Variants in ECPAS observed in about 807,000 individuals in gnomAD.
The protein encoded by ECPAS is Ecm29 proteasome adaptor and scaffold.
Under a neutral mutation model 255.1 loss-of-function variants are expected in ECPAS, and 70 were observed. The observed-to-expected ratio is 0.27, with a 90% confidence interval of 0.23 to 0.33. The LOEUF is 0.33. Ranked by LOEUF, ECPAS falls within the 10% of genes least tolerant of loss-of-function variation. The pLI is 1.00. For missense variants in ECPAS, 1,817 were observed against 2,206.4 expected (o/e 0.82, Z 3.54); for synonymous variants, 784 against 775.0 (o/e 1.01, Z -0.19).
At chr9:111,401,623 G>A (rs914035056) in intron 24 of ECPAS, among the ~76,000 whole-genome samples, 6 of 152,210 alleles carry the variant, frequency 3.9e-5, no homozygotes, top group Non-Finnish European at 8.8e-5. Flanking sequence ...GGGCACTGCA[G>A]GAGACCAGGG....
At position 111,408,632 on chromosome 9, in the gene ECPAS, A is replaced by G. The variant is rs2098188918; in HGVS notation, c.2591T>C (p.Val864Ala). The G allele has an allele frequency of 1.9e-6, 3 of 1,594,514 alleles. No individual in the cohort carries two copies. Among genetic ancestry groups the G allele is most frequent in the Non-Finnish European group, 2.6e-6 (3 of 1,170,780 alleles). ...RAIQTLGYFP[V>A]GDGDFPHQKL... ...CTGGTGAGGAAAATCTCCATCCCCA[A>G]CTGGAAAATATCCCAGTGTTTGGAT... is the stretch of plus-strand genomic sequence containing the variant. The change falls in exon 24 of 50, where the codon GTT becomes GCT. Residue 864 changes from valine (V) to alanine (A), a missense_variant. Around this residue, in one of 4 missense-constraint regions of ECPAS, gnomAD observed 960 missense variants for 1,179.0 expected, o/e 0.81. Coordinates refer to ENST00000684092, the MANE Select transcript of ECPAS (RefSeq NM_001364929.1).
chr9:111,479,168 T>A (rs2098300364), intron 1 of ECPAS, among the ~76,000 whole-genome samples: 1 of 152,228 alleles, frequency 6.6e-6, no homozygotes, highest in Admixed American at 6.5e-5. Flanking sequence ...TTCTGAGGAA[T>A]AATACATACA....
intron 7 of ECPAS, among the ~76,000 whole-genome samples, chr9:111,434,713 C>T (rs2098235191): frequency 6.6e-6 from 1 of 151,632 alleles, no homozygotes; most frequent in African/African-American, 2.4e-5. Flanking sequence ...CCTCAGCCTC[C>T]CCAGCAGCTG....
rs141752191 is a variant in ECPAS at position 111,472,530 on chromosome 9, C to T, written c.22+367G>A. ...GCATGCACCTGTAGTCCCAGCTACT[C>T]GGTGGGGCTGAGGCAGGAGGATCAC... On this transcript the variant is annotated intron_variant, in intron 2 of 49. Transcript: ENST00000684092. Among the ~76,000 whole-genome samples, 1,431 of 150,726 alleles carry T rather than the reference C, an allele frequency of 9.5e-3. 12 individuals are homozygous for T. Among genetic ancestry groups the T allele is most frequent in the Non-Finnish European group, 0.015 (1,045 of 67,788 alleles).
At chr9:111,436,340 G>A (rs1380581732) in intron 7 of ECPAS, among the ~76,000 whole-genome samples, 1 of 152,230 alleles carries the variant, frequency 6.6e-6, no homozygotes, top group Non-Finnish European at 1.5e-5. Context: ...CACAGACACA[G>A]TAAGGCACCT....
intron 2 of ECPAS, among the ~76,000 whole-genome samples, chr9:111,470,230 C>A (rs535463846): frequency 6.6e-6 from 1 of 152,274 alleles, no homozygotes; most frequent in East Asian, 1.9e-4. Context: ...AGGCAGATAC[C>A]CTAATCTGGA....
At chr9:111,389,959 T>C in intron 30 of ECPAS, 25 bp downstream of exon 30, 2 of 1,461,014 alleles carry the variant, frequency 1.4e-6, no homozygotes, top group South Asian at 2.4e-5. Flanking sequence ...AAAAAATAAA[T>C]AATTGTCCAG....
intron 8 of ECPAS, among the ~76,000 whole-genome samples, chr9:111,431,942 A>G (rs532782160): frequency 1.9e-4 from 29 of 152,302 alleles, no homozygotes. Context: ...CTTTTCTTTC[A>G]TAATACTTGT....
At position 111,472,909 on chromosome 9, in the gene ECPAS, T is replaced by C. The variant is rs993732469; in HGVS notation, c.10A>G (p.Ile4Val). 4 of 1,237,110 alleles carry C rather than the reference T, an allele frequency of 3.2e-6. No homozygotes were observed. Among genetic ancestry groups the C allele is most frequent in the Non-Finnish European group, 3.1e-6 (3 of 955,282 alleles). 76.6% of individuals were successfully genotyped at this position (1,237,110 alleles called of 1,614,324 possible). A position where few individuals can be genotyped will look rare whatever the true frequency, so the allele number is the denominator to read the frequency against. MYH[I>V]DCRDQLERVF... The stretch of plus-strand genomic sequence containing the variant: ...TAAATCTACTAACCTCTACAATCAA[T>C]GTGATACATGGTTTATCCAATCTTG... Residue 4 changes from isoleucine (I) to valine (V), a missense_variant, in exon 2 of 50, where the codon ATT becomes GTT. Transcript: ENST00000684092.
chr9:111,461,067 T>C (rs1437184020), intron 2 of ECPAS, among the ~76,000 whole-genome samples: 1 of 152,044 alleles, frequency 6.6e-6, no homozygotes, highest in African/African-American at 2.4e-5. Flanking sequence ...AAAAAAAAGT[T>C]GATTCTTTCT....
At chr9:111,384,501 A>C (rs748551993) in intron 34 of ECPAS, 21 bp downstream of exon 34, 1 of 1,609,644 alleles carries the variant, frequency 6.2e-7, no homozygotes, top group Non-Finnish European at 8.5e-7. Context: ...CTCCATTCCC[A>C]ATGTAAGACG....
chr9:111,480,234 GA>G (rs1479258281), intron 1 of ECPAS, among the ~76,000 whole-genome samples: 4 of 145,968 alleles, frequency 2.7e-5, no homozygotes, highest in African/African-American at 1.0e-4. Flanking sequence ...ATAAATGATA[GA>G]AAATATTTGG....
chr9:111,444,238 T>A (rs891757911), intron 4 of ECPAS, 140 bp downstream of exon 4: 120 of 498,504 alleles, frequency 2.4e-4, no homozygotes, highest in African/African-American at 5.7e-4. Context: ...GTGTGTCATT[T>A]AAAAAAAAAA....
chr9:111,467,885 C>G (rs1436722213), intron 2 of ECPAS, among the ~76,000 whole-genome samples: 1 of 152,152 alleles, frequency 6.6e-6, no homozygotes, highest in Non-Finnish European at 1.5e-5. Context: ...ACTGACCTGC[C>G]AGAGGTCACC....
rs756329850 is a variant in ECPAS at position 111,372,573 on chromosome 9, G to A, written c.4384C>T (p.Arg1462Ter). ...SCALTIHAIG[R>*]YSPDVLKNHA... ...TTCTTTAATACATCAGGGCTGTATC[G>A]TCCAATAGCATGAATAGTCAAAGCA... The change falls in exon 42 of 50, where the codon CGA becomes TGA. Residue 1462 changes from arginine to a stop codon, truncating the protein, a stop_gained. Transcript: ENST00000684092. LOFTEE classifies it high-confidence loss of function. 1 of 1,613,428 alleles carries A rather than the reference G, an allele frequency of 6.2e-7. No homozygotes were observed. The highest frequency in any genetic ancestry group is 8.5e-7 in the Non-Finnish European group (1 of 1,179,648).
At chr9:111,424,895 C>A (rs2098219207) in intron 12 of ECPAS, among the ~76,000 whole-genome samples, 1 of 152,160 alleles carries the variant, frequency 6.6e-6, no homozygotes, top group African/African-American at 2.4e-5. Context: ...GCAGGCTGGG[C>A]ATGGTGGCTC....
At chr9:111,464,542 A>T (rs915387681) in intron 2 of ECPAS, among the ~76,000 whole-genome samples, 1 of 152,172 alleles carries the variant, frequency 6.6e-6, no homozygotes, top group Non-Finnish European at 1.5e-5. Flanking sequence ...AAACAATCTA[A>T]ATATCAGTCA....
chr9:111,457,967 G>A (rs1309324669), intron 2 of ECPAS, among the ~76,000 whole-genome samples: 1 of 152,070 alleles, frequency 6.6e-6, no homozygotes, highest in African/African-American at 2.4e-5. Context: ...ACCAACTAAG[G>A]AGAATTTCTG....
chr9:111,454,308 G>A (rs2098264112), intron 2 of ECPAS, among the ~76,000 whole-genome samples: 1 of 139,378 alleles, frequency 7.2e-6, no homozygotes, highest in South Asian at 2.7e-4. Flanking sequence ...GGTGGGGGGA[G>A]ATGGGGGGGT....
Sources: gnomAD v4.1 joint callset for allele counts (sites outside exome capture counted in the v4.1 genomes callset) on GRCh38, gnomAD v4.1.1 for gene constraint, gnomAD v4.1.1 regional missense constraint, MANE v1.5 for transcripts, NCBI Gene and HGNC (gene_info 2026-07-23, HGNC 2026-07-21) for gene names.